Variants in C6orf136 observed in about 807,000 individuals in gnomAD.
C6orf136 encodes the protein uncharacterized protein C6orf136.
In C6orf136, 29 loss-of-function variants were observed where a neutral mutation model predicts 44.0. The ratio of observed to expected loss-of-function variants is 0.66; its 90% confidence interval spans 0.49 to 0.90. The LOEUF (loss-of-function observed/expected upper bound fraction) is 0.90. Ranked by LOEUF, C6orf136 falls within the 40% of genes least tolerant of loss-of-function variation. The pLI, the probability that C6orf136 is intolerant of heterozygous loss-of-function variation, is 0.00. For missense variants in C6orf136, 628 were observed against 669.3 expected (o/e 0.94, Z 0.68); for synonymous variants, 293 against 278.6 (o/e 1.05, Z -0.52).
Position 30,647,349 on chromosome 6 carries a change from C to T in C6orf136, c.118C>T (p.Pro40Ser). The change falls in exon 1 of 6, where the codon CCC becomes TCC. Residue 40 changes from proline to serine, a missense_variant. Pro to Ser is a moderately conservative substitution (Grantham distance 74). Around this residue, in one of 2 missense-constraint regions of C6orf136, gnomAD observed 497 missense variants for 469.2 expected, o/e 1.06. Transcript: ENST00000651131. The surrounding 1 kb of genome is among the most constrained non-coding windows in gnomAD (Gnocchi z 4.8). The stretch of plus-strand genomic sequence containing the variant: ...AGGGAGGAGAGGGGGCGGGGAGAGA[C>T]CCTCCTCAAAGCCGGTGCGTGGGGC... ...EGGRRGGGER[P>S]SSKPVRGAER... The T allele has an allele frequency of 6.5e-7, 1 of 1,550,340 alleles. No homozygotes were observed. Among genetic ancestry groups the T allele is most frequent in the Non-Finnish European group, 8.7e-7 (1 of 1,153,366 alleles).
Position 30,647,912 on chromosome 6 carries a change from G to A in C6orf136, c.615+66G>A. 7.0e-7 allele frequency: 1 copy of A among 1,424,576 alleles called. No individual in the cohort carries two copies. The highest frequency in any genetic ancestry group is 9.1e-7 in the Non-Finnish European group (1 of 1,093,470). 88.2% of individuals were successfully genotyped at this position (1,424,576 alleles called of 1,614,324 possible). A position where few individuals can be genotyped will look rare whatever the true frequency, so the allele number is the denominator to read the frequency against. Reference sequence around the variant, plus strand: ...TCCCCTGGGGGGTTCCTTGGGAGCGGAGGGACTCGGGTGAGGCCTAACTTT... The same window carrying A: ...TCCCCTGGGGGGTTCCTTGGGAGCGAAGGGACTCGGGTGAGGCCTAACTTT... On this transcript the variant is annotated intron_variant, in intron 1 of 5. Coordinates refer to ENST00000651131, the MANE Select transcript of C6orf136 (RefSeq NM_001161376.2). The surrounding 1 kb of genome is among the most constrained non-coding windows in gnomAD (Gnocchi z 4.8).
rs1767388865 is a variant in C6orf136 at position 30,651,312 on chromosome 6, G to A, written c.1153G>A (p.Ala385Thr). 1 of 1,613,968 alleles carries A rather than the reference G, an allele frequency of 6.2e-7. No homozygotes were observed. The highest frequency in any genetic ancestry group is 8.5e-7 in the Non-Finnish European group (1 of 1,180,008). The change falls in exon 4 of 6, where the codon GCC (alanine) becomes ACC (threonine). Residue 385 changes from alanine (A) to threonine (T), a missense_variant. By Grantham distance (58) the Ala-to-Thr change is moderately conservative. Coordinates refer to ENST00000651131, the MANE Select transcript of C6orf136 (RefSeq NM_001161376.2). ...TTCACTGACCCTCTGCCGTTTCCTG[G>A]CCTGGAATTATTTTGCACACCTTCG... ...ILSLTLCRFL[A>T]WNYFAHLRLE...
Position 30,647,998 on chromosome 6 carries a change from A to C in C6orf136, c.615+152A>C, listed in dbSNP as rs1418401211. Among the ~76,000 whole-genome samples the C allele has an allele frequency of 6.6e-6, 1 of 152,188 alleles. No homozygotes were observed. The highest frequency in any genetic ancestry group is 1.5e-5 in the Non-Finnish European group (1 of 68,026). On this transcript the variant is annotated intron_variant, in intron 1 of 5. Transcript: ENST00000651131. The surrounding 1 kb of genome is among the most constrained non-coding windows in gnomAD (Gnocchi z 4.8). Reference sequence around the variant, plus strand: ...CCCAGGAGAGTGAAGGCCAGCCTTTAACTGTCTCCTGAGGTTGTGTCTGTC... The same window carrying C: ...CCCAGGAGAGTGAAGGCCAGCCTTTCACTGTCTCCTGAGGTTGTGTCTGTC...
chr6:30,651,038 C>T lies in C6orf136; in HGVS notation c.1062C>T (p.Ser354=). 6.2e-7 allele frequency: 1 copy of T among 1,614,118 alleles called. No homozygotes were observed. The change falls in exon 3 of 6, where the codon TCC becomes TCT. Residue 354 remains serine (S), a synonymous_variant. Coordinates refer to ENST00000651131, the MANE Select transcript of C6orf136 (RefSeq NM_001161376.2). ...FLQSHDYSLY[S]LDVEFINEIL... Reference sequence around the variant, plus strand: ...AGTCCCACGACTACAGTCTGTATTCCTTGGATGTGGAATTCATCAATGAGA... The same window carrying T: ...AGTCCCACGACTACAGTCTGTATTCTTTGGATGTGGAATTCATCAATGAGA...
Position 30,649,630 on chromosome 6 carries a change from TCTC to T in C6orf136, c.692_694del (p.Pro231del), listed in dbSNP as rs745619360. On this transcript the variant is annotated inframe_deletion, in exon 2 of 6. Coordinates refer to ENST00000651131, the MANE Select transcript of C6orf136 (RefSeq NM_001161376.2). ...CTCCACGACAACCACTTCCCCATCT[TCTC>T]CTCTATTCTGGTCTCCCCTGCCCCC... 2.3e-5 allele frequency: 37 copies of T among 1,594,808 alleles called. No homozygotes were observed. The African/African-American group carries it at 2.7e-4, about 12-fold the overall frequency.
chr6:30,647,365 T>TGCGTGGGGCGGAGCGC lies in C6orf136; in HGVS notation c.138_153dup (p.Leu52TrpfsTer79). 1 of 1,516,848 alleles carries TGCGTGGGGCGGAGCGC rather than the reference T, an allele frequency of 6.6e-7. No homozygotes were observed. Among genetic ancestry groups the TGCGTGGGGCGGAGCGC allele is most frequent in the South Asian group, 1.3e-5 (1 of 78,368 alleles). 94.0% of individuals were successfully genotyped at this position (1,516,848 alleles called of 1,614,324 possible). A position where few individuals can be genotyped will look rare whatever the true frequency, so the allele number is the denominator to read the frequency against. On this transcript the variant is annotated frameshift_variant, in exon 1 of 6. Coordinates refer to ENST00000651131, the MANE Select transcript of C6orf136 (RefSeq NM_001161376.2). LOFTEE classifies it high-confidence loss of function. The surrounding 1 kb of genome is among the most constrained non-coding windows in gnomAD (Gnocchi z 4.8). ...GGGGAGAGACCCTCCTCAAAGCCGG[T>TGCGTGGGGCGGAGCGC]GCGTGGGGCGGAGCGCGCGCTGGGT...
chr6:30,649,983 T>G, intron 2 of C6orf136, 24 bp downstream of exon 2: 1 of 1,604,590 alleles, frequency 6.2e-7, no homozygotes, highest in Non-Finnish European at 8.5e-7. Flanking sequence ...AAAGTGGCCT[T>G]CGTCTACAGT....
In C6orf136 at chr6:30,647,187, CCGGAGGT is replaced by C. The variant is rs778501376; in HGVS notation, c.-40_-34del. 5 of 1,495,932 alleles carry C rather than the reference CCGGAGGT, an allele frequency of 3.3e-6. 1 individual carries two copies. The highest frequency in any genetic ancestry group is 2.7e-6 in the Non-Finnish European group (3 of 1,127,876). The allele number at this position is 1,495,932 out of a possible 1,614,324, so 92.7% of individuals were successfully genotyped here. On this transcript the variant is annotated 5_prime_UTR_variant, in exon 1 of 6. Transcript: ENST00000651131. The surrounding 1 kb of genome is among the most constrained non-coding windows in gnomAD (Gnocchi z 4.8). ...GGGCGCGCTCACCCCTGTGAGGAGG[CCGGAGGT>C]CGGACTCAGGAGGCTCCTTCTCCAC...
chr6:30,652,299 T>C lies in C6orf136; in HGVS notation c.1308-349T>C, dbSNP rs1458885961. ...CACACACACAAAAGTACTGAACAAA[T>C]GAAAAGTCCTGTCTCATATGTTGAG... On this transcript the variant is annotated intron_variant, in intron 4 of 5. Coordinates refer to ENST00000651131, the MANE Select transcript of C6orf136 (RefSeq NM_001161376.2). 2.0e-5 allele frequency among the ~76,000 whole-genome samples: 3 copies of C among 146,894 alleles called. No homozygotes were observed. The Admixed American group carries it at 2.0e-4, about 10-fold the overall frequency.
At position 30,649,938 on chromosome 6, in the gene C6orf136, G is replaced by C; in HGVS notation, c.996G>C (p.Met332Ile). The C allele has an allele frequency of 6.2e-7, 1 of 1,613,592 alleles. No individual in the cohort carries two copies. Among genetic ancestry groups the C allele is most frequent in the Non-Finnish European group, 8.5e-7 (1 of 1,179,906 alleles). The change falls in exon 2 of 6, where the codon ATG becomes ATC. Residue 332 changes from methionine (M) to isoleucine (I), a missense_variant. By Grantham distance (10) the Met-to-Ile change is conservative. Around this residue, in one of 2 missense-constraint regions of C6orf136, gnomAD observed 497 missense variants for 469.2 expected, o/e 1.06. Coordinates refer to ENST00000651131, the MANE Select transcript of C6orf136 (RefSeq NM_001161376.2). Reference sequence around the variant, plus strand: ...GTATGGAGGAACATCTGTCTGTCATGTATGAGAGACTGAGACAAGAGGTAA... The same window carrying C: ...GTATGGAGGAACATCTGTCTGTCATCTATGAGAGACTGAGACAAGAGGTAA... ...DPSMEEHLSV[M>I]YERLRQELPK... is the part of the protein sequence containing the mutation.
rs983087227 is a variant in C6orf136, at chr6:30,651,013, A to G, written c.1037A>G (p.Gln346Arg). Residue 346 changes from glutamine to arginine, a missense_variant, in exon 3 of 6, where the codon CAG becomes CGG. This residue lies in a region of C6orf136 where 131 missense variants were observed against 200.1 expected (regional missense o/e 0.65). Transcript: ENST00000651131. ...ACCTAGCTTCCCAAGCTCTTCCTTC[A>G]GTCCCACGACTACAGTCTGTATTCC... The part of the protein sequence containing the change: ...LRQELPKLFL[Q>R]SHDYSLYSLD... The G allele has an allele frequency of 6.2e-7, 1 of 1,613,690 alleles. No individual in the cohort carries two copies. The highest frequency in any genetic ancestry group is 8.5e-7 in the Non-Finnish European group (1 of 1,179,666).
chr6:30,647,484 TGC>T lies in C6orf136; in HGVS notation c.254_255del (p.Cys85SerfsTer40). On this transcript the variant is annotated frameshift_variant, in exon 1 of 6. Coordinates refer to ENST00000651131, the MANE Select transcript of C6orf136 (RefSeq NM_001161376.2). LOFTEE classifies it high-confidence loss of function. The surrounding 1 kb of genome is among the most constrained non-coding windows in gnomAD (Gnocchi z 4.8). ...LGVAGAGGRR[C>X]RACRARTSVL... is the part of the protein sequence containing the mutation. ...GGTCGCGGGAGCGGGAGGGAGGCGCTGCCGGGCCTGTCGCGCAAGGACGTCGG... is the reference window on the plus strand; with the variant it reads ...GGTCGCGGGAGCGGGAGGGAGGCGCTCGGGCCTGTCGCGCAAGGACGTCGG... 1 of 1,490,118 alleles carries T rather than the reference TGC, an allele frequency of 6.7e-7. No individual in the cohort carries two copies. Among genetic ancestry groups the T allele is most frequent in the South Asian group, 1.3e-5 (1 of 75,138 alleles). 92.3% of individuals were successfully genotyped at this position (1,490,118 alleles called of 1,614,324 possible). A position where few individuals can be genotyped will look rare whatever the true frequency, so the allele number is the denominator to read the frequency against.
At chr6:30,651,134 A>G (rs1375632001) in intron 3 of C6orf136, 52 bp downstream of exon 3, 1 of 1,564,738 alleles carries the variant, frequency 6.4e-7, no homozygotes, top group East Asian at 2.2e-5. Flanking sequence ...ACCCAAAGGT[A>G]TATACATGAC....
Position 30,648,940 on chromosome 6 carries a change from G to A in C6orf136, c.616-618G>A, listed in dbSNP as rs183158343. Among the ~76,000 whole-genome samples the A allele has an allele frequency of 3.3e-3, 502 of 151,662 alleles. 4 individuals carry two copies. Among genetic ancestry groups the A allele is most frequent in the African/African-American group, 0.011 (454 of 41,438 alleles). ...GGAGAATGGCTTGAACCCAGGAGGC[G>A]GCGGTTGCAGTGACCCGAGTTCGCG... On this transcript the variant is annotated intron_variant, in intron 1 of 5. Transcript: ENST00000651131.
Position 30,647,799 on chromosome 6 carries a change from C to G in C6orf136, c.568C>G (p.His190Asp). 1 of 1,539,166 alleles carries G rather than the reference C, an allele frequency of 6.5e-7. No individual in the cohort carries two copies. The highest frequency in any genetic ancestry group is 8.7e-7 in the Non-Finnish European group (1 of 1,144,126). The change falls in exon 1 of 6, where the codon CAC becomes GAC. Residue 190 changes from histidine to aspartate, a missense_variant. His to Asp is a moderately conservative substitution (Grantham distance 81). Coordinates refer to ENST00000651131, the MANE Select transcript of C6orf136 (RefSeq NM_001161376.2). The surrounding 1 kb of genome is among the most constrained non-coding windows in gnomAD (Gnocchi z 4.8). Reference sequence around the variant, plus strand: ...CCTGCGCCCGGGCTGGCAAGATGGCCACGCCCCCAGCAGAGACGGCGCCTC... The same window carrying G: ...CCTGCGCCCGGGCTGGCAAGATGGCGACGCCCCCAGCAGAGACGGCGCCTC... ...GPLRPGWQDG[H>D]APSRDGASRT...
chr6:30,648,922 G>C lies in C6orf136; in HGVS notation c.616-636G>C, dbSNP rs1446566255. 2.0e-5 allele frequency among the ~76,000 whole-genome samples: 3 copies of C among 149,952 alleles called. No homozygotes were observed. The East Asian group carries it at 6.1e-4, about 31-fold the overall frequency. On this transcript the variant is annotated intron_variant, in intron 1 of 5. Coordinates refer to ENST00000651131, the MANE Select transcript of C6orf136 (RefSeq NM_001161376.2). Reference sequence around the variant, plus strand: ...ACTCGGGAGGCTGAGGCAGGAGAATGGCTTGAACCCAGGAGGCGGCGGTTG... The same window carrying C: ...ACTCGGGAGGCTGAGGCAGGAGAATCGCTTGAACCCAGGAGGCGGCGGTTG...
intron 4 of C6orf136, among the ~76,000 whole-genome samples, 193 bp from the exon 5 acceptor site, chr6:30,652,455 C>T (rs6900113): frequency 0.047 from 7,111 of 152,186 alleles, 355 homozygotes; most frequent in African/African-American, 0.13. Context: ...GCCCAAGGAT[C>T]GTTAAAAAAT....
At chr6:30,649,108 T>TA (rs1242710039) in intron 1 of C6orf136, among the ~76,000 whole-genome samples, 5 of 152,236 alleles carry the variant, frequency 3.3e-5, no homozygotes, top group Admixed American at 6.5e-5. Flanking sequence ...CCCACGCCTG[T>TA]AATCCCAGCA....
At chr6:30,651,597 C>G in intron 4 of C6orf136, 131 bp downstream of exon 4, 1 of 882,966 alleles carries the variant, frequency 1.1e-6, no homozygotes, top group South Asian at 1.6e-5. Context: ...GCCTCTGCCT[C>G]CCGGCTTCCA....
Sources: allele counts gnomAD v4.1 joint callset (sites outside exome capture counted in the v4.1 genomes callset), GRCh38; gene constraint gnomAD v4.1.1; regional missense constraint gnomAD v4.1.1; non-coding constraint Gnocchi (gnomAD v3.1); transcripts MANE v1.5; gene names NCBI Gene and HGNC (gene_info 2026-07-23, HGNC 2026-07-21).